Variants in LDB2 observed in about 807,000 individuals in gnomAD.
The protein encoded by LDB2 is LIM domain binding 2.
Under a neutral mutation model 44.3 loss-of-function variants are expected in LDB2, and 12 were observed. That is an observed-to-expected ratio of 0.27 (90% CI 0.17 to 0.44). The LOEUF (loss-of-function observed/expected upper bound fraction) is 0.44, where lower values mean the gene tolerates loss of function less well. Ranked by LOEUF, LDB2 falls within the 20% of genes least tolerant of loss-of-function variation. LDB2 has a pLI of 1.00. For missense variants in LDB2, 344 were observed against 473.5 expected (o/e 0.73, Z 2.54); for synonymous variants, 164 against 174.8 (o/e 0.94, Z 0.49).
chr4:16,695,903 T>G (rs966414982), intron 2 of LDB2, among the ~76,000 whole-genome samples: 1 of 152,232 alleles, frequency 6.6e-6, no homozygotes, highest in Non-Finnish European at 1.5e-5. Context: ...TTAAGCCTGA[T>G]TTAGCTTCAG....
intron 2 of LDB2, among the ~76,000 whole-genome samples, chr4:16,596,983 AC>A (rs1053147978): frequency 6.6e-6 from 1 of 152,208 alleles, no homozygotes; most frequent in African/African-American, 2.4e-5. Flanking sequence ...ACTATATAAT[AC>A]CCTTTGAAAG....
intron 2 of LDB2, among the ~76,000 whole-genome samples, chr4:16,746,584 T>C (rs181940631): frequency 2.2e-3 from 333 of 152,226 alleles, no homozygotes; most frequent in African/African-American, 7.6e-3. Context: ...GTCAGGAGTT[T>C]GAGATCAGCC....
chr4:16,742,706 G>A (rs1579254643), intron 2 of LDB2, among the ~76,000 whole-genome samples: 1 of 152,244 alleles, frequency 6.6e-6, no homozygotes, highest in East Asian at 1.9e-4. Context: ...GTATACCCAA[G>A]AGTGTCCCCA....
intron 2 of LDB2, among the ~76,000 whole-genome samples, chr4:16,614,366 C>A (rs1726523717): frequency 6.6e-6 from 1 of 152,090 alleles, no homozygotes; most frequent in Admixed American, 6.6e-5. Context: ...TGGGCAAAGA[C>A]TTCATGACAA....
At chr4:16,680,261 G>T (rs767426085) in intron 2 of LDB2, among the ~76,000 whole-genome samples, 3 of 152,174 alleles carry the variant, frequency 2.0e-5, no homozygotes, top group Admixed American at 1.3e-4. Flanking sequence ...ATATTTTTCA[G>T]TTGTTTAAAT....
chr4:16,690,367 T>G (rs1195406098), intron 2 of LDB2, among the ~76,000 whole-genome samples: 1 of 150,040 alleles, frequency 6.7e-6, no homozygotes, highest in Non-Finnish European at 1.5e-5. Context: ...GAGGTTGAGG[T>G]GGGAGAATCA....
At chr4:16,700,624 T>C (rs1296823948) in intron 2 of LDB2, among the ~76,000 whole-genome samples, 1 of 152,158 alleles carries the variant, frequency 6.6e-6, no homozygotes, top group Admixed American at 6.5e-5. Context: ...CAAGACAAGA[T>C]ACGCTGGGCA....
At chr4:16,667,486 G>A (rs1203576920) in intron 2 of LDB2, among the ~76,000 whole-genome samples, 1 of 152,172 alleles carries the variant, frequency 6.6e-6, no homozygotes. Context: ...GGGATCTCCT[G>A]ATTCTCCATT....
intron 5 of LDB2, among the ~76,000 whole-genome samples, chr4:16,558,099 A>G (rs1311760713): frequency 6.6e-6 from 1 of 152,146 alleles, no homozygotes; most frequent in African/African-American, 2.4e-5. Flanking sequence ...AAGTAGATAA[A>G]ACCACAAAGA....
At chr4:16,770,363 A>C (rs1215208519) in intron 1 of LDB2, among the ~76,000 whole-genome samples, 1 of 152,182 alleles carries the variant, frequency 6.6e-6, no homozygotes, top group Non-Finnish European at 1.5e-5. Context: ...CCAGAAGAAA[A>C]CCAGCACTTT....
intron 1 of LDB2, among the ~76,000 whole-genome samples, chr4:16,883,109 A>G (rs1720632943): frequency 6.6e-6 from 1 of 152,224 alleles, no homozygotes; most frequent in Non-Finnish European, 1.5e-5. Flanking sequence ...GGTCCTCTCC[A>G]GCCAGTTTGT....
intron 1 of LDB2, among the ~76,000 whole-genome samples, chr4:16,875,943 T>A (rs571910364): frequency 6.6e-6 from 1 of 152,144 alleles, no homozygotes; most frequent in Non-Finnish European, 1.5e-5. Flanking sequence ...TTATAGGAAG[T>A]AGGAATGCAT....
chr4:16,551,133 G>T (rs1737512731), intron 5 of LDB2, among the ~76,000 whole-genome samples: 1 of 152,168 alleles, frequency 6.6e-6, no homozygotes, highest in Admixed American at 6.5e-5. Flanking sequence ...GTAATTATAA[G>T]ATTCTGAATG....
chr4:16,518,457 C>T (rs564769857), intron 5 of LDB2, among the ~76,000 whole-genome samples: 20 of 151,854 alleles, frequency 1.3e-4, no homozygotes, highest in South Asian at 4.2e-4. Flanking sequence ...GCTAGGTCAA[C>T]GCGTTGCTCA....
chr4:16,530,292 C>CA (rs1729699176), intron 5 of LDB2, among the ~76,000 whole-genome samples: 1 of 152,186 alleles, frequency 6.6e-6, no homozygotes. Flanking sequence ...TTCACCATGC[C>CA]ATGACACATG....
intron 2 of LDB2, chr4:16,674,199 C>A (rs1297189672): frequency 6.3e-6 from 8 of 1,265,284 alleles, no homozygotes; most frequent in Non-Finnish European, 7.2e-6. Context: ...AAATGAGGTA[C>A]CTTTGGTCAA....
chr4:16,821,408 G>A (rs1330686972), intron 1 of LDB2, among the ~76,000 whole-genome samples: 1 of 149,004 alleles, frequency 6.7e-6, no homozygotes, highest in Admixed American at 6.7e-5. Flanking sequence ...TTTGGAGACG[G>A]AGTCTCGCTC....
chr4:16,813,420 C>T (rs1016647394), intron 1 of LDB2, among the ~76,000 whole-genome samples: 6 of 152,006 alleles, frequency 3.9e-5, no homozygotes, highest in Admixed American at 1.3e-4. Context: ...TCAGTAAATA[C>T]GAGACAATAT....
intron 2 of LDB2, among the ~76,000 whole-genome samples, chr4:16,674,755 G>GA (rs1405648585): frequency 3.0e-4 from 46 of 151,818 alleles, no homozygotes; most frequent in African/African-American, 5.3e-4. Context: ...CATTTTTAGA[G>GA]AAAAAATTAA....
Sources: gnomAD v4.1 joint callset for allele counts (sites outside exome capture counted in the v4.1 genomes callset) on GRCh38, gnomAD v4.1.1 for gene constraint, MANE v1.5 for transcripts, NCBI Gene and HGNC (gene_info 2026-07-23, HGNC 2026-07-21) for gene names.